The following TMPO variants were observed in gnomAD, a reference collection of about 807,000 sequenced individuals.
TMPO encodes the protein thymopoietin, also known as LEM domain containing 4.
Under a neutral mutation model 45.4 loss-of-function variants are expected in TMPO, and 22 were observed. The ratio of observed to expected loss-of-function variants is 0.48; its 90% confidence interval spans 0.35 to 0.69. The LOEUF is 0.69. Among genes scored for constraint, TMPO ranks in the 30% least tolerant of loss-of-function variants. The pLI is 0.01. For missense variants in TMPO, 512 were observed against 548.8 expected (o/e 0.93, Z 0.67); for synonymous variants, 241 against 204.1 (o/e 1.18, Z -1.54).
chr12:98,534,584 C>G, intron 3 of TMPO: 1 of 1,277,734 alleles, frequency 7.8e-7, no homozygotes, highest in African/African-American at 1.5e-5. Context: ...ATATTAGTCT[C>G]TAAGTTGTTT....
In TMPO at chr12:98,547,892, C is replaced by T. The variant is rs758820565; in HGVS notation, c.*34C>T. ...TCTTTGGCACGTTCAACTTGGTCTCCTATTTTCAATAACTGTTGAAAAACA... is the reference window on the plus strand; with the variant it reads ...TCTTTGGCACGTTCAACTTGGTCTCTTATTTTCAATAACTGTTGAAAAACA... On this transcript the variant is annotated 3_prime_UTR_variant, in exon 9 of 9. Coordinates refer to ENST00000556029, the MANE Select transcript of TMPO (RefSeq NM_001032283.3). The T allele has an allele frequency of 5.6e-6, 9 of 1,609,370 alleles. No individual in the cohort carries two copies. The highest frequency in any genetic ancestry group is 3.4e-5 in the Admixed American group (2 of 59,590).
intron 1 of TMPO, among the ~76,000 whole-genome samples, chr12:98,526,151 T>C (rs1184645398): frequency 6.6e-6 from 1 of 152,244 alleles, no homozygotes; most frequent in East Asian, 1.9e-4. Context: ...TTTCAAGTTA[T>C]TTTGACTATT....
intron 1 of TMPO, among the ~76,000 whole-genome samples, chr12:98,516,721 A>G (rs534065140): frequency 1.5e-3 from 222 of 152,368 alleles, no homozygotes; most frequent in African/African-American, 4.6e-3. Context: ...TCCCAGCAAC[A>G]GGCCATCTTT....
At chr12:98,544,575 T>C (rs1041034026) in intron 6 of TMPO, 38 bp downstream of exon 6, 3 of 1,522,954 alleles carry the variant, frequency 2.0e-6, no homozygotes, top group Non-Finnish European at 2.7e-6. Flanking sequence ...TGGTATTCTT[T>C]GTAAATTACC....
intron 3 of TMPO, chr12:98,533,808 A>T: frequency 6.2e-7 from 1 of 1,614,244 alleles, no homozygotes; most frequent in Non-Finnish European, 8.5e-7. Context: ...CTTCACTGGC[A>T]TGCAAATATC....
Position 98,515,601 on chromosome 12 carries a change from C to T in TMPO, c.-267C>T. The T allele has an allele frequency of 5.4e-6, 3 of 555,146 alleles. No homozygotes were observed. The highest frequency in any genetic ancestry group is 2.4e-5 in the South Asian group (1 of 40,922). The allele number at this position is 555,146 out of a possible 1,614,324, so 34.4% of individuals were successfully genotyped here. ...CTTGGGGCGTGGGCGAAGCAGGCTG[C>T]TCGCCTCCTGCCTGTAGTGTGTGGG... On this transcript the variant is annotated 5_prime_UTR_variant, in exon 1 of 9. Coordinates refer to ENST00000556029, the MANE Select transcript of TMPO (RefSeq NM_001032283.3).
chr12:98,547,640 G>C lies in TMPO; in HGVS notation c.1147G>C (p.Glu383Gln). The change falls in exon 9 of 9, where the codon GAG (glutamate) becomes CAG (glutamine). Residue 383 changes from glutamate (E) to glutamine (Q), a missense_variant. Physicochemically the swap from Glu to Gln is conservative, Grantham distance 29. Coordinates refer to ENST00000556029, the MANE Select transcript of TMPO (RefSeq NM_001032283.3). ...ATTAGAACTCAGTGATTTCAGGATG[G>C]AGGAGTCTTTTTCATCTAAATATGT... Reference protein sequence around the residue: ...RPLELSDFRMEESFSSKYVPK... With the variant: ...RPLELSDFRMQESFSSKYVPK... 1 of 1,614,196 alleles carries C rather than the reference G, an allele frequency of 6.2e-7. No individual in the cohort carries two copies. The highest frequency in any genetic ancestry group is 1.3e-5 in the African/African-American group (1 of 75,052).
At chr12:98,528,268 T>C (rs11109518) in intron 2 of TMPO, among the ~76,000 whole-genome samples, 39 of 136,926 alleles carry the variant, frequency 2.8e-4, no homozygotes, top group Middle Eastern at 3.8e-3. Flanking sequence ...TTTTTTTTTT[T>C]GGTTTTGTTT....
chr12:98,526,622 CTG>C (rs915877330), intron 1 of TMPO, among the ~76,000 whole-genome samples: 5 of 152,114 alleles, frequency 3.3e-5, no homozygotes, highest in African/African-American at 1.2e-4. Context: ...GGAGAGCCAA[CTG>C]TATTCATTTG....
chr12:98,550,005 T>G lies in TMPO; in HGVS notation c.*2147T>G, dbSNP rs1374999338. On this transcript the variant is annotated 3_prime_UTR_variant, in exon 9 of 9. Coordinates refer to ENST00000556029, the MANE Select transcript of TMPO (RefSeq NM_001032283.3). ...TGAAACTTTGTTTCCCATACTGTTT[T>G]CAGCCTTTTGTTTATAATTAGAAAT... is the stretch of plus-strand genomic sequence containing the variant. The G allele has an allele frequency of 2.6e-5, 4 of 152,242 alleles. No homozygotes were observed. The East Asian group carries it at 5.8e-4, about 22-fold the overall frequency. The allele number at this position is 152,242 out of a possible 1,614,324, so 9.4% of individuals were successfully genotyped here.
chr12:98,515,935 ACAATGTGACGCT>A lies in TMPO; in HGVS notation c.69_80del (p.Asn23_Leu27delinsLys). The A allele has an allele frequency of 6.2e-7, 1 of 1,613,722 alleles. No individual in the cohort carries two copies. The highest frequency in any genetic ancestry group is 8.5e-7 in the Non-Finnish European group (1 of 1,179,868). On this transcript the variant is annotated inframe_deletion, in exon 1 of 9. Transcript: ENST00000556029. ...AAGTTGAAGAGTGAGTTGGTCGCCA[ACAATGTGACGCT>A]GCCGGCCGGGGAGCAGCGCAAAGAC...
intron 1 of TMPO, among the ~76,000 whole-genome samples, chr12:98,518,193 C>A (rs1876038455): frequency 6.6e-6 from 1 of 151,058 alleles, no homozygotes; most frequent in Non-Finnish European, 1.5e-5. Context: ...TTTAAATCAG[C>A]ACACTTTATA....
At chr12:98,535,537 A>C in intron 3 of TMPO, 1 of 985,366 alleles carries the variant, frequency 1.0e-6, no homozygotes, top group Non-Finnish European at 1.2e-6. Context: ...TGAAATGTAC[A>C]TGTATACATG....
chr12:98,524,711 A>T (rs1876634034), intron 1 of TMPO, among the ~76,000 whole-genome samples: 1 of 152,168 alleles, frequency 6.6e-6, no homozygotes, highest in South Asian at 2.1e-4. Flanking sequence ...CTCCTGCCTC[A>T]GCTTCCCAGG....
Position 98,546,272 on chromosome 12 carries a change from C to T in TMPO, c.991-87C>T, listed in dbSNP as rs941927362. On this transcript the variant is annotated intron_variant, in intron 7 of 8. Transcript: ENST00000556029. Reference sequence around the variant, plus strand: ...ATGATAGATTTAAAGGCATTTTGTTCTCTAAAACTTACTATTTATGTTTTA... The same window carrying T: ...ATGATAGATTTAAAGGCATTTTGTTTTCTAAAACTTACTATTTATGTTTTA... 9 of 902,248 alleles carry T rather than the reference C, an allele frequency of 1.0e-5. No homozygotes were observed. In the African/African-American group the frequency reaches 1.5e-4, roughly 15 times the overall value. The allele number at this position is 902,248 out of a possible 1,614,324, so 55.9% of individuals were successfully genotyped here.
chr12:98,544,675 A>G (rs1183417565), intron 6 of TMPO, 138 bp downstream of exon 6: 3 of 759,328 alleles, frequency 4.0e-6, no homozygotes, highest in East Asian at 2.7e-5. Flanking sequence ...GATTTTCCCC[A>G]TATAGTTCTG....
rs1211999868 is a variant in TMPO, at chr12:98,549,704, AAAGG to A, written c.*1850_*1853del. The A allele has an allele frequency of 6.6e-6, 1 of 152,242 alleles. No homozygotes were observed. Among genetic ancestry groups the A allele is most frequent in the African/African-American group, 2.4e-5 (1 of 41,464 alleles). The allele number at this position is 152,242 out of a possible 1,614,324, so 9.4% of individuals were successfully genotyped here. A position where few individuals can be genotyped will look rare whatever the true frequency, so the allele number is the denominator to read the frequency against. ...CATCTGAAATAAAAATACTTACTAAAAAGGAAGAAGCCGAAGATGTATATTTAGA... is the reference window on the plus strand; with the variant it reads ...CATCTGAAATAAAAATACTTACTAAAAAGAAGCCGAAGATGTATATTTAGA... On this transcript the variant is annotated 3_prime_UTR_variant, in exon 9 of 9. Coordinates refer to ENST00000556029, the MANE Select transcript of TMPO (RefSeq NM_001032283.3).
chr12:98,543,152 A>G (rs1452788425), intron 4 of TMPO, among the ~76,000 whole-genome samples: 1 of 152,172 alleles, frequency 6.6e-6, no homozygotes. Context: ...CACAGGATTA[A>G]AGTTTAAAAA....
intron 1 of TMPO, among the ~76,000 whole-genome samples, chr12:98,525,835 A>G (rs1336581204): frequency 1.3e-5 from 2 of 152,146 alleles, no homozygotes; most frequent in African/African-American, 4.8e-5. Flanking sequence ...TAGTCAAATC[A>G]TGACTGATTT....
Sources: gnomAD v4.1 joint callset for allele counts (sites outside exome capture counted in the v4.1 genomes callset) on GRCh38, gnomAD v4.1.1 for gene constraint, MANE v1.5 for transcripts, NCBI Gene and HGNC (gene_info 2026-07-23, HGNC 2026-07-21) for gene names.